B3GNT5: variants seen among roughly 807,000 people sequenced by gnomAD.
B3GNT5 encodes UDP-GlcNAc:betaGal beta-1,3-N-acetylglucosaminyltransferase 5, also known as lactosylceramide 1,3-N-acetyl-beta-D-glucosaminyltransferase.
In B3GNT5, 11 loss-of-function variants were observed where a neutral mutation model predicts 25.9. The ratio of observed to expected loss-of-function variants is 0.42; its 90% CI spans 0.27 to 0.70. B3GNT5 has a LOEUF of 0.70. Ranked by LOEUF, B3GNT5 falls within the 30% of genes least tolerant of loss-of-function variation. The pLI, the probability that B3GNT5 is intolerant of heterozygous loss-of-function variation, is 0.23. For synonymous variants in B3GNT5, 166 were observed against 158.6 expected, an observed-to-expected ratio of 1.05 and a Z score of -0.35; for missense variants, 385 against 458.4, an observed-to-expected ratio of 0.84 and a Z score of 1.46.
intron 1 of B3GNT5, among the ~76,000 whole-genome samples, chr3:183,269,093 A>ATTTTC (rs1452243807): frequency 4.6e-5 from 7 of 151,758 alleles, no homozygotes; most frequent in Non-Finnish European, 7.4e-5. Flanking sequence ...ACTGCTGTGA[A>ATTTTC]TTTTCTTTTC....
chr3:183,264,355 TC>T (rs1380274588), intron 1 of B3GNT5, among the ~76,000 whole-genome samples: 1 of 152,208 alleles, frequency 6.6e-6, no homozygotes, highest in Non-Finnish European at 1.5e-5. Flanking sequence ...CCCAGAGACT[TC>T]CCTCTTGTGC....
chr3:183,273,188 C>A lies in B3GNT5; in HGVS notation c.*2253C>A, dbSNP rs558168268. 4.0e-5 allele frequency: 19 copies of A among 480,692 alleles called. No homozygotes were observed. In the South Asian group the frequency reaches 7.4e-4, roughly 19 times the overall value. The allele number at this position is 480,692 out of a possible 1,614,324, so 29.8% of individuals were successfully genotyped here. A position where few individuals can be genotyped will look rare whatever the true frequency, so the allele number is the denominator to read the frequency against. ...AATAAACTATCAGCTTGGATGGTCA[C>A]TTGAATAGAAGATGGTTATACACAG... is the stretch of plus-strand genomic sequence containing the variant. On this transcript the variant is annotated 3_prime_UTR_variant, in exon 2 of 2. Transcript: ENST00000326505.
intron 1 of B3GNT5, among the ~76,000 whole-genome samples, chr3:183,255,889 G>A (rs1343539984): frequency 1.3e-5 from 2 of 151,954 alleles, no homozygotes; most frequent in Non-Finnish European, 2.9e-5. Context: ...GTTTTGAAAT[G>A]GGTCATCTTT....
In B3GNT5 at chr3:183,269,815, G is replaced by T; in HGVS notation, c.17G>T (p.Ser6Ile). Reference sequence around the variant, plus strand: ...TGAGTGGATATGAGAATGTTGGTTAGTGGCAGAAGAGTCAAAAAATGGCAG... The same window carrying T: ...TGAGTGGATATGAGAATGTTGGTTATTGGCAGAAGAGTCAAAAAATGGCAG... Reference protein sequence around the residue: MRMLVSGRRVKKWQLI... With the variant: MRMLVIGRRVKKWQLI... The change falls in exon 2 of 2, where the codon AGT becomes ATT. Residue 6 changes from serine (S) to isoleucine (I), a missense_variant. Physicochemically the swap from Ser to Ile is moderately radical, Grantham distance 142. Coordinates refer to ENST00000326505, the MANE Select transcript of B3GNT5 (RefSeq NM_032047.5). 1 of 1,607,340 alleles carries T rather than the reference G, an allele frequency of 6.2e-7. No homozygotes were observed. The highest frequency in any genetic ancestry group is 1.1e-5 in the South Asian group (1 of 89,668).
intron 1 of B3GNT5, among the ~76,000 whole-genome samples, chr3:183,258,765 G>A (rs757492140): frequency 4.6e-5 from 7 of 151,716 alleles, no homozygotes; most frequent in Non-Finnish European, 8.8e-5. Flanking sequence ...TTTAGAGATG[G>A]GTCTCACTCT....
chr3:183,270,671 T>C lies in B3GNT5; in HGVS notation c.873T>C (p.Asn291=), dbSNP rs776062689. 1.2e-6 allele frequency: 2 copies of C among 1,614,122 alleles called. No homozygotes were observed. The highest frequency in any genetic ancestry group is 1.7e-6 in the Non-Finnish European group (2 of 1,180,034). ...ATGTGTTCATGGGCCTCTGTGCCAA[T>C]AAAATAGGGATAGTACCGCAGGACC... ...IDDVFMGLCA[N]KIGIVPQDHV... The change falls in exon 2 of 2, where the codon AAT becomes AAC. Residue 291 remains asparagine (N), a synonymous_variant. Coordinates refer to ENST00000326505, the MANE Select transcript of B3GNT5 (RefSeq NM_032047.5). The surrounding 1 kb of genome is among the most constrained non-coding windows in gnomAD (Gnocchi z 4.5).
chr3:183,263,230 T>G (rs1024173016), intron 1 of B3GNT5, among the ~76,000 whole-genome samples: 1 of 152,146 alleles, frequency 6.6e-6, no homozygotes, highest in Non-Finnish European at 1.5e-5. Context: ...ATACACACCA[T>G]AAGGTGTCCT....
chr3:183,273,000 T>A lies in B3GNT5; in HGVS notation c.*2065T>A, dbSNP rs904455214. On this transcript the variant is annotated 3_prime_UTR_variant, in exon 2 of 2. Transcript: ENST00000326505. ...AGGAAATATGAAGGCACTTCCTTTT[T>A]TTCTAAGAAGGAAGTTGCTAGATGA... The A allele has an allele frequency of 1.9e-5, 28 of 1,480,564 alleles. No individual in the cohort carries two copies. The highest frequency in any genetic ancestry group is 2.4e-5 in the Non-Finnish European group (27 of 1,120,992). 91.7% of individuals were successfully genotyped at this position (1,480,564 alleles called of 1,614,324 possible).
chr3:183,270,589 T>G lies in B3GNT5; in HGVS notation c.791T>G (p.Val264Gly). Residue 264 changes from valine (V) to glycine (G), a missense_variant, in exon 2 of 2, where the codon GTA (valine) becomes GGA (glycine). Physicochemically the swap from Val to Gly is moderately radical, Grantham distance 109. Coordinates refer to ENST00000326505, the MANE Select transcript of B3GNT5 (RefSeq NM_032047.5). This position sits in a 1 kb window ranked among gnomAD's most constrained non-coding sequence, Gnocchi z 4.5. ...GCTGCCTATGTAATCTCCGGTGATG[T>G]AGCTGCCAAAGTCTATGAGGCATCA... ...AGAAYVISGD[V>G]AAKVYEASQT... 1 of 1,614,198 alleles carries G rather than the reference T, an allele frequency of 6.2e-7. No individual in the cohort carries two copies. Among genetic ancestry groups the G allele is most frequent in the Non-Finnish European group, 8.5e-7 (1 of 1,180,034 alleles).
chr3:183,260,764 A>G (rs963679407), intron 1 of B3GNT5, among the ~76,000 whole-genome samples: 25 of 152,190 alleles, frequency 1.6e-4, no homozygotes, highest in African/African-American at 5.8e-4. Flanking sequence ...ACCTGGATTC[A>G]CATTGTAGGT....
chr3:183,263,981 C>T (rs1345572293), intron 1 of B3GNT5, among the ~76,000 whole-genome samples: 1 of 152,148 alleles, frequency 6.6e-6, no homozygotes, highest in East Asian at 1.9e-4. Flanking sequence ...AGTGTGAGCC[C>T]TTGAGAAACC....
Position 183,270,371 on chromosome 3 carries a change from T to G in B3GNT5, c.573T>G (p.Thr191=). The G allele has an allele frequency of 6.2e-7, 1 of 1,614,230 alleles. No homozygotes were observed. Among genetic ancestry groups the G allele is most frequent in the South Asian group, 1.1e-5 (1 of 91,088 alleles). ...GTCCACATGCCAAATTTCTTATGAC[T>G]GCTGATGATGACATATTTATTCACA... The part of the protein sequence containing the change: ...TYCPHAKFLM[T]ADDDIFIHMP... Residue 191 remains threonine (T), a synonymous_variant, in exon 2 of 2, where the codon ACT becomes ACG. Transcript: ENST00000326505. This position sits in a 1 kb window ranked among gnomAD's most constrained non-coding sequence, Gnocchi z 4.5.
intron 1 of B3GNT5, among the ~76,000 whole-genome samples, chr3:183,258,935 A>G (rs1725332387): frequency 6.6e-6 from 1 of 152,192 alleles, no homozygotes; most frequent in South Asian, 2.1e-4. Context: ...AACTAATGCA[A>G]TATAAATGCT....
In B3GNT5 at chr3:183,270,863, A is replaced by AT. The variant is rs773124339; in HGVS notation, c.1067dup (p.Leu356PhefsTer9). On this transcript the variant is annotated frameshift_variant, in exon 2 of 2. Coordinates refer to ENST00000326505, the MANE Select transcript of B3GNT5 (RefSeq NM_032047.5). LOFTEE classifies it high-confidence loss of function. The surrounding 1 kb of genome is among the most constrained non-coding windows in gnomAD (Gnocchi z 4.5). ...GTTTTTTTGGTCAAATATACTGCAGATTAATGAAGATAATTCTCCTTTGTA... is the reference window on the plus strand; with the variant it reads ...GTTTTTTTGGTCAAATATACTGCAGATTTAATGAAGATAATTCTCCTTTGTA... 5.0e-6 allele frequency: 8 copies of AT among 1,612,008 alleles called. No individual in the cohort carries two copies. Among genetic ancestry groups the AT allele is most frequent in the Admixed American group, 1.7e-5 (1 of 59,486 alleles).
chr3:183,269,615 T>G lies in B3GNT5; in HGVS notation c.-184T>G. 1.8e-6 allele frequency: 1 copy of G among 568,582 alleles called. No individual in the cohort carries two copies. The highest frequency in any genetic ancestry group is 3.0e-6 in the Non-Finnish European group (1 of 334,976). 35.2% of individuals were successfully genotyped at this position (568,582 alleles called of 1,614,324 possible). A position where few individuals can be genotyped will look rare whatever the true frequency, so the allele number is the denominator to read the frequency against. On this transcript the variant is annotated 5_prime_UTR_variant, in exon 2 of 2. The change creates a new upstream start codon in the 5' untranslated region. Transcript: ENST00000326505. ...GTCCTCGTTCTACAGGGTGTTCCATTCTTCCGCAATCTCAGAAAAATGGGA... is the reference window on the plus strand; with the variant it reads ...GTCCTCGTTCTACAGGGTGTTCCATGCTTCCGCAATCTCAGAAAAATGGGA...
At chr3:183,264,843 T>C (rs563778353) in intron 1 of B3GNT5, among the ~76,000 whole-genome samples, 7 of 152,346 alleles carry the variant, frequency 4.6e-5, no homozygotes, top group African/African-American at 1.7e-4. Context: ...AATATTCTTA[T>C]GAGTAACTGA....
chr3:183,257,803 T>C (rs534479978), intron 1 of B3GNT5, among the ~76,000 whole-genome samples: 1 of 152,166 alleles, frequency 6.6e-6, no homozygotes, highest in South Asian at 2.1e-4. Context: ...TCTGATCTCC[T>C]TTTTTCCGTT....
chr3:183,272,456 T>C lies in B3GNT5; in HGVS notation c.*1521T>C. The C allele has an allele frequency of 1.0e-6, 1 of 999,856 alleles. No homozygotes were observed. The highest frequency in any genetic ancestry group is 4.7e-5 in the South Asian group (1 of 21,284). 61.9% of individuals were successfully genotyped at this position (999,856 alleles called of 1,614,324 possible). On this transcript the variant is annotated 3_prime_UTR_variant, in exon 2 of 2. Transcript: ENST00000326505. Reference sequence around the variant, plus strand: ...CAAAACGAAAAAAGATTTCTCAGTATACACAACTGAATGATGATACTTACA... The same window carrying C: ...CAAAACGAAAAAAGATTTCTCAGTACACACAACTGAATGATGATACTTACA...
At chr3:183,265,331 T>G (rs1176851393) in intron 1 of B3GNT5, 1 of 152,300 alleles carries the variant, frequency 6.6e-6, no homozygotes, top group Non-Finnish European at 1.5e-5. Flanking sequence ...TGTGGATGGT[T>G]GCTGAGCTGC....
Sources: gnomAD v4.1 joint callset for allele counts (sites outside exome capture counted in the v4.1 genomes callset) on GRCh38, gnomAD v4.1.1 for gene constraint, Gnocchi (gnomAD v3.1) non-coding constraint, MANE v1.5 for transcripts, NCBI Gene and HGNC (gene_info 2026-07-23, HGNC 2026-07-21) for gene names.